ABCA1: variants seen among roughly 807,000 people sequenced by gnomAD.
The protein encoded by ABCA1 is ATP binding cassette subfamily A member 1, also known as phospholipid-transporting ATPase ABCA1.
Under a neutral mutation model 262.5 loss-of-function variants are expected in ABCA1, and 133 were observed. The ratio of observed to expected loss-of-function variants is 0.51; its 90% CI spans 0.44 to 0.59. The LOEUF (loss-of-function observed/expected upper bound fraction) is 0.59. Among genes scored for constraint, ABCA1 ranks in the 20% least tolerant of loss-of-function variants. The pLI is 0.00. For missense variants in ABCA1, 2,452 were observed against 2,777.5 expected (o/e 0.88, Z 2.63); for synonymous variants, 1,022 against 1,043.5 (o/e 0.98, Z 0.40).
Position 104,829,065 on chromosome 9 carries a change from T to G in ABCA1, c.1966A>C (p.Ile656Leu). 6.2e-7 allele frequency: 1 copy of G among 1,614,184 alleles called. No homozygotes were observed. The highest frequency in any genetic ancestry group is 8.5e-7 in the Non-Finnish European group (1 of 1,180,038). Residue 656 changes from isoleucine (I) to leucine (L), a missense_variant, in exon 15 of 50, where the codon ATC (isoleucine) becomes CTC (leucine). Physicochemically the swap from Ile to Leu is conservative, Grantham distance 5 (BLOSUM62 2). Around this residue, in one of 4 missense-constraint regions of ABCA1, gnomAD observed 1,032 missense variants for 1,089.7 expected, o/e 0.95. Coordinates refer to ENST00000374736, the MANE Select transcript of ABCA1 (RefSeq NM_005502.4). ...TCCTTCTCATACACGATGCCCTTGA[T>G]GATCACAGCCACTGAGTAAATCCAG... The part of the protein sequence containing the change: ...LAWIYSVAVI[I>L]KGIVYEKEAR...
chr9:104,919,611 C>G (rs1044020966), intron 1 of ABCA1, among the ~76,000 whole-genome samples: 2 of 145,454 alleles, frequency 1.4e-5, no homozygotes, highest in Non-Finnish European at 3.0e-5. Context: ...GACTCCATCT[C>G]AAAAAAAAAA....
chr9:104,798,000 T>C (rs1213948165), intron 37 of ABCA1, among the ~76,000 whole-genome samples: 2 of 152,216 alleles, frequency 1.3e-5, no homozygotes, highest in East Asian at 3.8e-4. Context: ...TTGCAATGGA[T>C]GGATAAGCTG....
chr9:104,806,385 T>G lies in ABCA1; in HGVS notation c.4320A>C (p.Pro1440=). ...AGAGGTCCATGATGGTCTGGGGAAC[T>G]GGGGCAGTGGTCCACTCTTCCTCCC... ...QAGEEEWTTA[P]VPQTIMDLFQ... is the part of the protein sequence containing the mutation. Residue 1440 remains proline (P), a synonymous_variant, in exon 31 of 50, where the codon CCA becomes CCC. Coordinates refer to ENST00000374736, the MANE Select transcript of ABCA1 (RefSeq NM_005502.4). 6.2e-7 allele frequency: 1 copy of G among 1,614,166 alleles called. No homozygotes were observed. The highest frequency in any genetic ancestry group is 1.1e-5 in the South Asian group (1 of 91,078).
At position 104,855,271 on chromosome 9, in the gene ABCA1, A is replaced by C. The variant is rs537711286; in HGVS notation, c.720+3251T>G. 321 of 519,428 alleles carry C rather than the reference A, an allele frequency of 6.2e-4. No individual in the cohort carries two copies. The African/African-American group carries it at 6.6e-3, about 11-fold the overall frequency. The allele number at this position is 519,428 out of a possible 1,614,324, so 32.2% of individuals were successfully genotyped here. A position where few individuals can be genotyped will look rare whatever the true frequency, so the allele number is the denominator to read the frequency against. On this transcript the variant is annotated intron_variant, in intron 7 of 49. Coordinates refer to ENST00000374736, the MANE Select transcript of ABCA1 (RefSeq NM_005502.4). ...GAATGCAGTGGAGTGATCTCAGCTC[A>C]CTGCAACTTCCACCTCCTGGGTTCA...
At chr9:104,856,736 A>G (rs573993243) in intron 7 of ABCA1, among the ~76,000 whole-genome samples, 1 of 152,352 alleles carries the variant, frequency 6.6e-6, no homozygotes, top group East Asian at 1.9e-4. Flanking sequence ...ACAAATTACA[A>G]TGTCTTCTAA....
intron 14 of ABCA1, among the ~76,000 whole-genome samples, chr9:104,829,430 C>A (rs1163158624): frequency 1.3e-5 from 2 of 152,090 alleles, no homozygotes; most frequent in Non-Finnish European, 2.9e-5. Flanking sequence ...TGTTAAAGTA[C>A]TAAAAACCAA....
At chr9:104,923,407 A>G (rs1842255108) in intron 1 of ABCA1, among the ~76,000 whole-genome samples, 1 of 152,202 alleles carries the variant, frequency 6.6e-6, no homozygotes, top group Non-Finnish European at 1.5e-5. Flanking sequence ...AGTTGAGTAA[A>G]TTTTATTCTA....
intron 15 of ABCA1, 142 bp downstream of exon 15, chr9:104,828,773 TA>T: frequency 1.0e-6 from 1 of 980,486 alleles, no homozygotes; most frequent in Non-Finnish European, 1.6e-6. Context: ...TCCCCAACTA[TA>T]AATGGATGAA....
chr9:104,790,307 T>C (rs898485625), intron 44 of ABCA1, among the ~76,000 whole-genome samples: 1 of 152,064 alleles, frequency 6.6e-6, no homozygotes, highest in African/African-American at 2.4e-5. Flanking sequence ...GAGGAAATAA[T>C]AAAAGATGTA....
intron 2 of ABCA1, among the ~76,000 whole-genome samples, chr9:104,894,396 T>C (rs916776632): frequency 6.6e-6 from 1 of 152,118 alleles, no homozygotes; most frequent in African/African-American, 2.4e-5. Context: ...TTGGAGCAGC[T>C]GAAGCTGGTG....
intron 14 of ABCA1, 83 bp from the exon 15 acceptor site, chr9:104,829,221 G>T: frequency 1.5e-6 from 2 of 1,352,408 alleles, no homozygotes; most frequent in Non-Finnish European, 2.1e-6. Context: ...GAGCCTGCAT[G>T]CTAGAGGGAG....
chr9:104,926,636 G>C (rs1042955535), intron 1 of ABCA1, among the ~76,000 whole-genome samples: 2 of 126,522 alleles, frequency 1.6e-5, no homozygotes, highest in African/African-American at 5.1e-5. Flanking sequence ...GCCAGTCTCC[G>C]GGGGCCACCG....
At chr9:104,810,680 G>A (rs1460529833) in intron 29 of ABCA1, 120 bp downstream of exon 29, 1 of 1,505,430 alleles carries the variant, frequency 6.6e-7, no homozygotes, top group African/African-American at 1.4e-5. Flanking sequence ...ACAGGGACCT[G>A]AGCCGCAGCA....
At chr9:104,862,702 CCCCCACCCCCACCCCCACCCCCACCCCCA>C (rs1564200050) in intron 5 of ABCA1, among the ~76,000 whole-genome samples, 3 of 4,596 alleles carry the variant, frequency 6.5e-4, no homozygotes, top group African/African-American at 1.8e-3. Flanking sequence ...GCCGGGCCGG[CCCCCACCCCCACCCCCACCCCCACCCCCA>C]CCCCCACCCC....
chr9:104,810,170 T>TATATAC (rs1428588602), intron 29 of ABCA1, among the ~76,000 whole-genome samples: 1 of 114,466 alleles, frequency 8.7e-6, no homozygotes, highest in South Asian at 3.2e-4. Context: ...ATATATATAC[T>TATATAC]TTTTTTTTTT....
intron 2 of ABCA1, among the ~76,000 whole-genome samples, chr9:104,893,448 AAAAAG>A (rs1564263906): frequency 2.0e-5 from 3 of 148,750 alleles, no homozygotes; most frequent in Non-Finnish European, 3.0e-5. Context: ...AAAAAAAAAA[AAAAAG>A]AAAAGAAAAT....
chr9:104,831,494 G>A (rs947558109), intron 13 of ABCA1, 128 bp downstream of exon 13: 3 of 781,208 alleles, frequency 3.8e-6, no homozygotes, highest in Admixed American at 5.7e-5. Flanking sequence ...ATGACACCAA[G>A]TTGAGTTTTT....
chr9:104,812,521 G>A, intron 28 of ABCA1, 53 bp downstream of exon 28: 2 of 1,611,694 alleles, frequency 1.2e-6, no homozygotes, highest in Non-Finnish European at 1.7e-6. Flanking sequence ...TGGTCACAGA[G>A]CCTGCAGCCC....
intron 5 of ABCA1, among the ~76,000 whole-genome samples, chr9:104,874,146 A>T (rs1165124822): frequency 6.6e-6 from 1 of 152,208 alleles, no homozygotes; most frequent in Non-Finnish European, 1.5e-5. Context: ...CTATCAGTAA[A>T]TCTGACAGCC....
Sources: gnomAD v4.1 joint callset for allele counts (sites outside exome capture counted in the v4.1 genomes callset) on GRCh38, gnomAD v4.1.1 for gene constraint, gnomAD v4.1.1 regional missense constraint, MANE v1.5 for transcripts, NCBI Gene and HGNC (gene_info 2026-07-23, HGNC 2026-07-21) for gene names.